The following TMEM131L variants were observed in gnomAD, a reference collection of about 807,000 sequenced individuals.
TMEM131L encodes the protein transmembrane protein 131-like.
A neutral mutation model predicts 192.2 loss-of-function variants in TMEM131L; 54 were observed. The observed-to-expected ratio is 0.28, with a 90% CI of 0.23 to 0.35. The LOEUF (loss-of-function observed/expected upper bound fraction) is 0.35, where lower values mean the gene tolerates loss of function less well. TMEM131L is among the 10% of genes least tolerant of loss of function. TMEM131L has a pLI of 1.00. For synonymous variants in TMEM131L, 701 were observed against 704.9 expected, an observed-to-expected ratio of 0.99 and a Z score of 0.09; for missense variants, 1,888 against 1,972.9, an observed-to-expected ratio of 0.96 and a Z score of 0.82.
intron 3 of TMEM131L, among the ~76,000 whole-genome samples, chr4:153,548,018 GTT>G (rs200063588): frequency 1.5e-5 from 2 of 134,428 alleles, no homozygotes; most frequent in African/African-American, 6.3e-5. Context: ...GAAGTTGCCT[GTT>G]TTTTTTTTTC....
rs1395483566 is a variant in TMEM131L at position 153,586,347 on chromosome 4, A to G, written c.1450A>G (p.Ile484Val). ...LTTNIGAIFA[I>V]PLQIYSAPTK... ...TACAAACATAGGTGCCATTTTTGCA[A>G]TACCTCTACAGATTTATTCAGCACC... The change falls in exon 14 of 35, where the codon ATA becomes GTA. Residue 484 changes from isoleucine to valine, a missense_variant. Coordinates refer to ENST00000409959, the MANE Select transcript of TMEM131L (RefSeq NM_001131007.2). 5.0e-6 allele frequency: 8 copies of G among 1,605,276 alleles called. No homozygotes were observed. The highest frequency in any genetic ancestry group is 3.4e-5 in the South Asian group (3 of 88,350).
intron 3 of TMEM131L, among the ~76,000 whole-genome samples, chr4:153,483,505 TG>T (rs1439337498): frequency 6.6e-6 from 1 of 152,028 alleles, no homozygotes; most frequent in Non-Finnish European, 1.5e-5. Context: ...GATAGCAGCG[TG>T]GGTCACAAAG....
At chr4:153,602,426 A>T in intron 22 of TMEM131L, 88 bp downstream of exon 22, 2 of 1,528,058 alleles carry the variant, frequency 1.3e-6, no homozygotes. Context: ...AAGACATCTT[A>T]TGTTGTTTTA....
chr4:153,588,379 A>G (rs1730844908), intron 15 of TMEM131L, among the ~76,000 whole-genome samples: 1 of 137,806 alleles, frequency 7.3e-6, no homozygotes, highest in Admixed American at 7.7e-5. Flanking sequence ...CTCCTTCCTG[A>G]TACCCTCCTT....
At chr4:153,490,345 G>C (rs1732678720) in intron 3 of TMEM131L, among the ~76,000 whole-genome samples, 1 of 152,290 alleles carries the variant, frequency 6.6e-6, no homozygotes, top group East Asian at 1.9e-4. Context: ...CGCCTTTACA[G>C]TGACTACTCT....
chr4:153,561,962 T>C (rs553018782), intron 7 of TMEM131L, among the ~76,000 whole-genome samples: 1 of 125,446 alleles, frequency 8.0e-6, no homozygotes, highest in African/African-American at 3.4e-5. Flanking sequence ...AATCTGAATA[T>C]CAAAAAAAAA....
At chr4:153,562,114 T>C (rs1728884531) in intron 7 of TMEM131L, among the ~76,000 whole-genome samples, 1 of 151,992 alleles carries the variant, frequency 6.6e-6, no homozygotes, top group Admixed American at 6.6e-5. Flanking sequence ...CTCAGCTCAC[T>C]GCAACCTCCG....
intron 8 of TMEM131L, among the ~76,000 whole-genome samples, 178 bp downstream of exon 8, chr4:153,581,081 G>A (rs541231071): frequency 6.6e-5 from 10 of 152,206 alleles, no homozygotes; most frequent in Admixed American, 1.3e-4. Context: ...GTGAAACTCC[G>A]TCTCTACTAA....
chr4:153,549,064 A>C (rs1467219402), intron 3 of TMEM131L, among the ~76,000 whole-genome samples: 6 of 152,076 alleles, frequency 3.9e-5, no homozygotes, highest in African/African-American at 1.4e-4. Context: ...TCCTGGGCTC[A>C]AGCAATCCTC....
intron 3 of TMEM131L, among the ~76,000 whole-genome samples, chr4:153,541,568 G>C (rs1375657509): frequency 6.6e-6 from 1 of 152,210 alleles, no homozygotes; most frequent in African/African-American, 2.4e-5. Context: ...AGGTGCCTGT[G>C]GGCCATCCAC....
intron 3 of TMEM131L, among the ~76,000 whole-genome samples, chr4:153,489,477 G>T (rs1472895543): frequency 6.6e-6 from 1 of 152,128 alleles, no homozygotes; most frequent in South Asian, 2.1e-4. Context: ...TGAGCACTGG[G>T]GAGAAGTATT....
At position 153,505,200 on chromosome 4, in the gene TMEM131L, G is replaced by A. The variant is rs568076251; in HGVS notation, c.239+31312G>A. Among the ~76,000 whole-genome samples the A allele has an allele frequency of 5.3e-5, 8 of 150,798 alleles. No homozygotes were observed. In the East Asian group the frequency reaches 1.4e-3, roughly 26 times the overall value. ...CGGCTCACTGCAACCTCTGCCTTCC[G>A]GGTTCAAGTGATTCTCCTGCCTCAG... On this transcript the variant is annotated intron_variant, in intron 3 of 34. Coordinates refer to ENST00000409959, the MANE Select transcript of TMEM131L (RefSeq NM_001131007.2).
chr4:153,603,291 T>C lies in TMEM131L; in HGVS notation c.2640-12T>C. On this transcript the variant is annotated splice_polypyrimidine_tract_variant and intron_variant, in intron 23 of 34. Coordinates refer to ENST00000409959, the MANE Select transcript of TMEM131L (RefSeq NM_001131007.2). ...ACCATGCAATACTGAACCTTGTTGC[T>C]TTCTTCCTCAGTTTGTCCCTGTTGG... 1.2e-6 allele frequency: 2 copies of C among 1,611,864 alleles called. No individual in the cohort carries two copies. Among genetic ancestry groups the C allele is most frequent in the Non-Finnish European group, 1.7e-6 (2 of 1,178,836 alleles).
chr4:153,577,447 TGTTA>T (rs1000951637), intron 7 of TMEM131L, among the ~76,000 whole-genome samples: 15 of 152,274 alleles, frequency 9.9e-5, no homozygotes, highest in Non-Finnish European at 1.8e-4. Flanking sequence ...AGTTTTGTGG[TGTTA>T]GAGTATTTAT....
chr4:153,606,288 G>A (rs551329182), intron 25 of TMEM131L, among the ~76,000 whole-genome samples: 19 of 152,308 alleles, frequency 1.2e-4, no homozygotes, highest in Admixed American at 2.0e-4. Flanking sequence ...GGATGACTTT[G>A]CACACACTTG....
At chr4:153,561,476 T>G (rs1300542884) in intron 7 of TMEM131L, among the ~76,000 whole-genome samples, 2 of 152,246 alleles carry the variant, frequency 1.3e-5, no homozygotes, top group Non-Finnish European at 2.9e-5. Context: ...CTCCTATGTT[T>G]TCTTCTAAAG....
intron 3 of TMEM131L, among the ~76,000 whole-genome samples, chr4:153,501,202 GTTTT>G (rs34750703): frequency 7.8e-6 from 1 of 127,536 alleles, no homozygotes; most frequent in Admixed American, 8.4e-5. Context: ...GGTTTTGCAA[GTTTT>G]TTTTTTTTTT....
At chr4:153,473,778 C>T (rs766373745) in intron 2 of TMEM131L, 67 bp from the exon 3 acceptor site, 20 of 1,302,630 alleles carry the variant, frequency 1.5e-5, no homozygotes, top group Middle Eastern at 1.8e-4. Flanking sequence ...GGTGACAGAG[C>T]GAGACTCTGT....
At chr4:153,537,327 G>A (rs904549167) in intron 3 of TMEM131L, among the ~76,000 whole-genome samples, 2 of 150,230 alleles carry the variant, frequency 1.3e-5, no homozygotes, top group African/African-American at 4.9e-5. Context: ...CCAAGAGAGA[G>A]TTCTTGAATC....
Sources: gnomAD v4.1 joint callset for allele counts (sites outside exome capture counted in the v4.1 genomes callset) on GRCh38, gnomAD v4.1.1 for gene constraint, MANE v1.5 for transcripts, NCBI Gene and HGNC (gene_info 2026-07-23, HGNC 2026-07-21) for gene names.